NXN: variants seen among roughly 807,000 people sequenced by gnomAD.
NXN encodes nucleoredoxin 1.
A neutral mutation model predicts 48.6 loss-of-function variants in NXN; 16 were observed. The ratio of observed to expected loss-of-function variants is 0.33; its 90% confidence interval spans 0.22 to 0.50. The LOEUF is 0.50. NXN is among the 20% of genes least tolerant of loss of function. The pLI is 0.98. For synonymous variants in NXN, 281 were observed against 269.6 expected (o/e 1.04, Z -0.41); for missense variants, 492 against 605.5 (o/e 0.81, Z 1.97).
intron 5 of NXN, among the ~76,000 whole-genome samples, chr17:812,415 C>T (rs1317801471): frequency 6.6e-6 from 1 of 152,208 alleles, no homozygotes; most frequent in Non-Finnish European, 1.5e-5. Flanking sequence ...TTTATACAAG[C>T]TCTTCAGCGG....
At chr17:969,992 C>G (rs1444387410) in intron 1 of NXN, among the ~76,000 whole-genome samples, 1 of 152,162 alleles carries the variant, frequency 6.6e-6, no homozygotes. Context: ...GGGGGAGAGG[C>G]TGACGGATTG....
At chr17:902,263 C>T (rs541760140) in intron 1 of NXN, among the ~76,000 whole-genome samples, 19 of 152,356 alleles carry the variant, frequency 1.2e-4, no homozygotes, top group Non-Finnish European at 2.4e-4. Context: ...AGCCAACGCT[C>T]GCTCTGGCGT....
intron 1 of NXN, among the ~76,000 whole-genome samples, chr17:837,234 T>A (rs927935153): frequency 8.5e-5 from 13 of 152,096 alleles, no homozygotes; most frequent in Non-Finnish European, 1.8e-4. Context: ...CATCTCAGAC[T>A]CCCAAAGTGC....
Position 800,698 on chromosome 17 carries a change from C to G in NXN, c.*251G>C, listed in dbSNP as rs551575671. 10 of 335,490 alleles carry G rather than the reference C, an allele frequency of 3.0e-5. No homozygotes were observed. The East Asian group carries it at 4.5e-4, about 15-fold the overall frequency. 20.8% of individuals were successfully genotyped at this position (335,490 alleles called of 1,614,324 possible). A position where few individuals can be genotyped will look rare whatever the true frequency, so the allele number is the denominator to read the frequency against. On this transcript the variant is annotated 3_prime_UTR_variant, in exon 8 of 8. Transcript: ENST00000336868. ...TGACTTTGCGAAAGCCATGCAGCCC[C>G]GCTCTGGCCGGGCCCCCGGCCATCC...
At chr17:812,872 G>T (rs564117488) in intron 5 of NXN, among the ~76,000 whole-genome samples, 2 of 148,360 alleles carry the variant, frequency 1.3e-5, no homozygotes, top group East Asian at 4.0e-4. Flanking sequence ...GTGTGTGTGG[G>T]TGTGTGCGCA....
At chr17:868,261 C>T (rs1271988509) in intron 1 of NXN, among the ~76,000 whole-genome samples, 1 of 152,164 alleles carries the variant, frequency 6.6e-6, no homozygotes, top group East Asian at 1.9e-4. Context: ...CCAGCCTTCA[C>T]ACGTGGGATT....
chr17:973,063 G>C (rs1005310023), intron 1 of NXN, among the ~76,000 whole-genome samples: 13 of 151,562 alleles, frequency 8.6e-5, no homozygotes, highest in Non-Finnish European at 1.9e-4. Context: ...AATCAAATCA[G>C]TGACCCTAAC....
chr17:966,505 G>C (rs368726810), intron 1 of NXN, among the ~76,000 whole-genome samples: 1 of 151,994 alleles, frequency 6.6e-6, no homozygotes. Context: ...GCGCCACCAC[G>C]CCCGGCTAAT....
intron 1 of NXN, among the ~76,000 whole-genome samples, chr17:863,283 T>A (rs1257667343): frequency 6.6e-6 from 1 of 152,132 alleles, no homozygotes; most frequent in African/African-American, 2.4e-5. Context: ...TTCTCCTACC[T>A]CAGCCTCCTG....
intron 1 of NXN, among the ~76,000 whole-genome samples, chr17:871,101 T>C (rs1250723784): frequency 6.6e-6 from 1 of 151,984 alleles, no homozygotes; most frequent in African/African-American, 2.4e-5. Flanking sequence ...GACCTCGTGA[T>C]CCGCCCACCT....
At chr17:882,513 TG>T (rs1452651527) in intron 1 of NXN, among the ~76,000 whole-genome samples, 1 of 152,164 alleles carries the variant, frequency 6.6e-6, no homozygotes, top group African/African-American at 2.4e-5. Flanking sequence ...TCACCCAGGC[TG>T]GAGTGCAGTG....
rs916724383 is a variant in NXN, at chr17:930,008, G to A, written c.360+49311C>T. The A allele has an allele frequency of 3.3e-5, 5 of 151,084 alleles. No individual in the cohort carries two copies. The South Asian group carries it at 1.0e-3, about 32-fold the overall frequency. 9.4% of individuals were successfully genotyped at this position (151,084 alleles called of 1,614,324 possible). On this transcript the variant is annotated intron_variant, in intron 1 of 7. Coordinates refer to ENST00000336868, the MANE Select transcript of NXN (RefSeq NM_022463.5). The stretch of plus-strand genomic sequence containing the variant: ...TGGAATCAATCAATGACGGGGGTTA[G>A]AATAAAATCCAACTCAGGAAAGTAC...
At chr17:839,808 A>AAAAAAAAAAAAACAAAAAAAAAAAAAC (rs1352197383) in intron 1 of NXN, among the ~76,000 whole-genome samples, 2 of 143,690 alleles carry the variant, frequency 1.4e-5, no homozygotes, top group African/African-American at 5.4e-5. Flanking sequence ...AAAAAAAAAA[A>AAAAAAAAAAAAACAAAAAAAAAAAAAC]AAAAAAGGCC....
intron 1 of NXN, among the ~76,000 whole-genome samples, chr17:909,091 T>A (rs1382381242): frequency 8.2e-6 from 1 of 121,690 alleles, no homozygotes; most frequent in Non-Finnish European, 1.6e-5. Context: ...AGAGTGAGAC[T>A]TCGTCTCAAA....
rs1200005498 is a variant in NXN, at chr17:958,616, C to T, written c.360+20703G>A. Among the ~76,000 whole-genome samples the T allele has an allele frequency of 6.6e-6, 1 of 152,080 alleles. No individual in the cohort carries two copies. The highest frequency in any genetic ancestry group is 2.1e-4 in the South Asian group (1 of 4,832). ...TGAAACCCCATCTGTACTAAAAATA[C>T]AAAAATTAGCCAGGCGTGGTGGCGT... is the stretch of plus-strand genomic sequence containing the variant. On this transcript the variant is annotated intron_variant, in intron 1 of 7. Coordinates refer to ENST00000336868, the MANE Select transcript of NXN (RefSeq NM_022463.5). The surrounding 1 kb of genome is among the most constrained non-coding windows in gnomAD (Gnocchi z 6.9).
chr17:945,061 A>G (rs2069026712), intron 1 of NXN, among the ~76,000 whole-genome samples: 1 of 152,060 alleles, frequency 6.6e-6, no homozygotes, highest in Non-Finnish European at 1.5e-5. Context: ...TGCATGGAGG[A>G]TGGTGGGCAG....
At chr17:974,624 C>T (rs1355169882) in intron 1 of NXN, among the ~76,000 whole-genome samples, 1 of 151,658 alleles carries the variant, frequency 6.6e-6, no homozygotes, top group Non-Finnish European at 1.5e-5. Flanking sequence ...GCGCCTTGCA[C>T]AAGGACACAC....
At chr17:840,094 C>CAAA (rs202070104) in intron 1 of NXN, among the ~76,000 whole-genome samples, 339 of 128,130 alleles carry the variant, frequency 2.6e-3, no homozygotes, top group African/African-American at 8.8e-3. Context: ...GAGACTGTCT[C>CAAA]AAAAAAAAAA....
At chr17:953,834 G>A (rs2069138358) in intron 1 of NXN, among the ~76,000 whole-genome samples, 1 of 152,138 alleles carries the variant, frequency 6.6e-6, no homozygotes, top group South Asian at 2.1e-4. Context: ...CTACTCAGGA[G>A]GCTGGGGTGG....
Sources: allele counts gnomAD v4.1 joint callset (sites outside exome capture counted in the v4.1 genomes callset), GRCh38; gene constraint gnomAD v4.1.1; non-coding constraint Gnocchi (gnomAD v3.1); transcripts MANE v1.5; gene names NCBI Gene and HGNC (gene_info 2026-07-23, HGNC 2026-07-21).